The following KDM4A variants were observed in gnomAD, a reference collection of about 807,000 sequenced individuals.
The protein encoded by KDM4A is lysine-specific demethylase 4A.
KDM4A carries 23 observed loss-of-function variants against 127.1 expected under a neutral mutation model. That is an observed-to-expected ratio of 0.18 (90% CI 0.13 to 0.26). KDM4A has a LOEUF of 0.26. KDM4A is among the 10% of genes least tolerant of loss of function. The probability of loss-of-function intolerance (pLI) is 1.00; values close to 1 mark genes in which losing one functional copy is unlikely to be tolerated. For missense variants in KDM4A, 890 were observed against 1,329.1 expected (o/e 0.67, Z 5.14); for synonymous variants, 443 against 466.5 (o/e 0.95, Z 0.65).
At chr1:43,673,548 T>A (rs544996457) in intron 11 of KDM4A, among the ~76,000 whole-genome samples, 1 of 152,182 alleles carries the variant, frequency 6.6e-6, no homozygotes, top group Non-Finnish European at 1.5e-5. Flanking sequence ...TCTCGGTGCC[T>A]TCTCTGAATC....
At position 43,694,811 on chromosome 1, in the gene KDM4A, G is replaced by C. The variant is rs1570872387; in HGVS notation, c.2587G>C (p.Ala863Pro). ...TGCCTTCCATGTGAGCTGCGCCCAG[G>C]CTGCCGGTGTGATGATGCAGCCTGA... is the stretch of plus-strand genomic sequence containing the variant. Reference protein sequence around the residue: ...PTAFHVSCAQAAGVMMQPDDW... With the variant: ...PTAFHVSCAQPAGVMMQPDDW... The change falls in exon 18 of 22, where the codon GCT becomes CCT. Residue 863 changes from alanine (A) to proline (P), a missense_variant. Around this residue, in one of 7 missense-constraint regions of KDM4A, gnomAD observed 246 missense variants for 418.4 expected, o/e 0.59. Coordinates refer to ENST00000372396, the MANE Select transcript of KDM4A (RefSeq NM_014663.3). The surrounding 1 kb of genome is among the most constrained non-coding windows in gnomAD (Gnocchi z 5.2). 2 of 1,614,002 alleles carry C rather than the reference G, an allele frequency of 1.2e-6. No homozygotes were observed. Among genetic ancestry groups the C allele is most frequent in the South Asian group, 1.1e-5 (1 of 91,096 alleles).
At chr1:43,687,525 T>G (rs1570861565) in intron 12 of KDM4A, among the ~76,000 whole-genome samples, 1 of 152,254 alleles carries the variant, frequency 6.6e-6, no homozygotes, top group Non-Finnish European at 1.5e-5. Context: ...GGCCGCATAC[T>G]TGGGCCTTGC....
At position 43,663,930 on chromosome 1, in the gene KDM4A, G is replaced by A. The variant is rs75403987; in HGVS notation, c.623+843G>A. On this transcript the variant is annotated intron_variant, in intron 5 of 21. Coordinates refer to ENST00000372396, the MANE Select transcript of KDM4A (RefSeq NM_014663.3). ...ATTACAGGCATGAGCCACTGTACCC[G>A]GCCCATCTCAGCATTTTAGTGAAGG... Among the ~76,000 whole-genome samples, 1,333 of 152,142 alleles carry A rather than the reference G, an allele frequency of 8.8e-3. 21 individuals carry two copies. The highest frequency in any genetic ancestry group is 0.03 in the African/African-American group (1,265 of 41,500).
rs570283051 is a variant in KDM4A at position 43,660,541 on chromosome 1, A to C, written c.429+129A>C. On this transcript the variant is annotated intron_variant, in intron 4 of 21. Transcript: ENST00000372396. ...GTGGATGAACAGATGATCTACCCCC[A>C]GCTGATGTTGCTGTGCTGGCCTAAT... The C allele has an allele frequency of 6.2e-4, 824 of 1,331,842 alleles. 7 individuals carry two copies. In the African/African-American group the frequency reaches 0.011, roughly 17 times the overall value. The allele number at this position is 1,331,842 out of a possible 1,614,324, so 82.5% of individuals were successfully genotyped here. A position where few individuals can be genotyped will look rare whatever the true frequency, so the allele number is the denominator to read the frequency against.
rs768805794 is a variant in KDM4A at position 43,703,869 on chromosome 1, CCT to C, written c.2961+134_2961+135del. ...AACCCTTTCAGAGCTAGGGGTCTGCCCTGTTTCCAGTCTGCCAAATGTGAAGT... is the reference window on the plus strand; with the variant it reads ...AACCCTTTCAGAGCTAGGGGTCTGCCGTTTCCAGTCTGCCAAATGTGAAGT... On this transcript the variant is annotated intron_variant, in intron 20 of 21. Transcript: ENST00000372396. The C allele has an allele frequency of 5.0e-4, 681 of 1,371,664 alleles. 1 individual carries two copies. The highest frequency in any genetic ancestry group is 6.6e-4 in the Non-Finnish European group (654 of 984,730). 85.0% of individuals were successfully genotyped at this position (1,371,664 alleles called of 1,614,324 possible).
chr1:43,692,217 G>T, intron 15 of KDM4A, 39 bp from the exon 16 acceptor site: 2 of 1,582,762 alleles, frequency 1.3e-6, no homozygotes. Context: ...TTAATGACTT[G>T]GTATTAACCA....
chr1:43,681,317 T>C (rs538959633), intron 11 of KDM4A, among the ~76,000 whole-genome samples: 1 of 152,276 alleles, frequency 6.6e-6, no homozygotes, highest in African/African-American at 2.4e-5. Context: ...TCCCTTCTCT[T>C]CTTCCTCCTG....
intron 5 of KDM4A, among the ~76,000 whole-genome samples, chr1:43,665,212 G>A (rs560615194): frequency 6.6e-6 from 1 of 152,184 alleles, no homozygotes; most frequent in African/African-American, 2.4e-5. Flanking sequence ...AGGGAAAGTG[G>A]GTTCATCAGC....
chr1:43,662,419 C>T (rs866665485), intron 4 of KDM4A, among the ~76,000 whole-genome samples: 22 of 151,966 alleles, frequency 1.4e-4, no homozygotes, highest in Admixed American at 1.4e-3. Flanking sequence ...ACCAGCCTGG[C>T]CAAGATGGTG....
chr1:43,662,598 C>T (rs1660409268), intron 4 of KDM4A, among the ~76,000 whole-genome samples: 1 of 152,182 alleles, frequency 6.6e-6, no homozygotes, highest in South Asian at 2.1e-4. Flanking sequence ...CAGAGCGAGA[C>T]TCCGTCTCAA....
intron 13 of KDM4A, chr1:43,690,475 T>C (rs1163061664): frequency 1.2e-5 from 4 of 338,780 alleles, no homozygotes; most frequent in Admixed American, 4.1e-5. Flanking sequence ...CTTGGACTCC[T>C]GACCTCTGGT....
At chr1:43,680,874 T>C (rs983816055) in intron 11 of KDM4A, among the ~76,000 whole-genome samples, 22 of 152,228 alleles carry the variant, frequency 1.4e-4, no homozygotes, top group Middle Eastern at 3.2e-3. Flanking sequence ...TCCTTTACCA[T>C]GTTAGAATAA....
Position 43,693,054 on chromosome 1 carries a change from G to C in KDM4A, c.2375+743G>C, listed in dbSNP as rs1040574658. Among the ~76,000 whole-genome samples, 2 of 152,198 alleles carry C rather than the reference G, an allele frequency of 1.3e-5. No homozygotes were observed. The highest frequency in any genetic ancestry group is 2.9e-5 in the Non-Finnish European group (2 of 68,028). ...TGCCCTCAAGAGTCCCAGTTATGCT[G>C]TCCCTGAGAGATAGCTACTCTGCCT... On this transcript the variant is annotated intron_variant, in intron 16 of 21. Transcript: ENST00000372396. The surrounding 1 kb of genome is among the most constrained non-coding windows in gnomAD (Gnocchi z 4.2).
At chr1:43,672,719 T>A (rs551663545) in intron 11 of KDM4A, among the ~76,000 whole-genome samples, 3 of 150,266 alleles carry the variant, frequency 2.0e-5, no homozygotes, top group African/African-American at 7.4e-5. Context: ...TGGTCTCGAT[T>A]TCCTGACCTT....
At position 43,694,674 on chromosome 1, in the gene KDM4A, C is replaced by G; in HGVS notation, c.2485-35C>G. On this transcript the variant is annotated intron_variant, in intron 17 of 21. Transcript: ENST00000372396. The surrounding 1 kb of genome is among the most constrained non-coding windows in gnomAD (Gnocchi z 5.2). ...AACAGAGGAAGCTGCAGTGCCAGTT[C>G]CTGCAATCACTGGTTTTCTTCCCCT... is the stretch of plus-strand genomic sequence containing the variant. 6.4e-7 allele frequency: 1 copy of G among 1,565,360 alleles called. No homozygotes were observed. Among genetic ancestry groups the G allele is most frequent in the Non-Finnish European group, 8.8e-7 (1 of 1,140,694 alleles).
At position 43,702,652 on chromosome 1, in the gene KDM4A, T is replaced by G. The variant is rs754482414; in HGVS notation, c.2842-965T>G. ...GGAATACGATGAGGACTTGGGGTAC[T>G]TACCTGCTTCTGGAAGGAATAAAAG... On this transcript the variant is annotated intron_variant, in intron 19 of 21. Coordinates refer to ENST00000372396, the MANE Select transcript of KDM4A (RefSeq NM_014663.3). The G allele has an allele frequency of 1.3e-5, 2 of 152,208 alleles. No individual in the cohort carries two copies. Among genetic ancestry groups the G allele is most frequent in the Non-Finnish European group, 2.9e-5 (2 of 68,036 alleles). 9.4% of individuals were successfully genotyped at this position (152,208 alleles called of 1,614,324 possible).
At chr1:43,654,719 GTGTGTGTGTGTGTGTGTGTGT>G (rs917348533) in intron 2 of KDM4A, among the ~76,000 whole-genome samples, 20 of 133,780 alleles carry the variant, frequency 1.5e-4, no homozygotes, top group African/African-American at 4.6e-4. Context: ...GTGTGTGTGT[GTGTGTGTGTGTGTGTGTGTGT>G]TGTTTTCTCC....
chr1:43,660,979 T>TC (rs1182790967), intron 4 of KDM4A, among the ~76,000 whole-genome samples: 4 of 148,336 alleles, frequency 2.7e-5, no homozygotes, highest in African/African-American at 1.0e-4. Flanking sequence ...ATATTTTAAT[T>TC]TTTTTTTTTT....
intron 11 of KDM4A, among the ~76,000 whole-genome samples, chr1:43,672,850 C>G (rs1415072093): frequency 6.6e-6 from 1 of 152,172 alleles, no homozygotes; most frequent in African/African-American, 2.4e-5. Flanking sequence ...TTAGCGGCAC[C>G]AGGGTTAGAA....
Sources: gnomAD v4.1 joint callset for allele counts (sites outside exome capture counted in the v4.1 genomes callset) on GRCh38, gnomAD v4.1.1 for gene constraint, gnomAD v4.1.1 regional missense constraint, Gnocchi (gnomAD v3.1) non-coding constraint, MANE v1.5 for transcripts, NCBI Gene and HGNC (gene_info 2026-07-23, HGNC 2026-07-21) for gene names.